Variants in POLD1 observed in about 807,000 individuals in gnomAD.
POLD1 encodes DNA polymerase delta catalytic subunit.
POLD1 carries 79 observed loss-of-function variants against 129.7 expected under a neutral mutation model. That is an observed-to-expected ratio of 0.61 (90% confidence interval 0.51 to 0.73). POLD1 has a LOEUF of 0.73. Among genes scored for constraint, POLD1 ranks in the 30% least tolerant of loss-of-function variants. The pLI is 0.00. For missense variants in POLD1, 1,338 were observed against 1,595.8 expected (o/e 0.84, Z 2.75); for synonymous variants, 714 against 683.3 (o/e 1.04, Z -0.70).
chr19:50,417,456 AG>A (rs1018132600), intron 26 of POLD1, among the ~76,000 whole-genome samples, 187 bp downstream of exon 26: 2 of 152,060 alleles, frequency 1.3e-5, no homozygotes, highest in Non-Finnish European at 2.9e-5. Context: ...AGCCCCCCAG[AG>A]GGGGTGGGTG....
chr19:50,399,190 C>T (rs1483459987), intron 2 of POLD1, 137 bp downstream of exon 2: 3 of 1,342,192 alleles, frequency 2.2e-6, no homozygotes, highest in East Asian at 2.5e-5. Flanking sequence ...TGCCCTTCCA[C>T]CCCGTGCAGC....
chr19:50,416,569 AGAG>A (rs748457504), intron 23 of POLD1, 38 bp from the exon 24 acceptor site: 26 of 1,547,178 alleles, frequency 1.7e-5, no homozygotes, highest in South Asian at 2.4e-5. Flanking sequence ...CTGGGGGGGC[AGAG>A]GAGATCACCG....
chr19:50,392,596 G>A (rs1041899725), intron 1 of POLD1, among the ~76,000 whole-genome samples: 2 of 152,084 alleles, frequency 1.3e-5, no homozygotes, highest in Non-Finnish European at 2.9e-5. Flanking sequence ...TCCTGCCTCA[G>A]CCTCCCAAGT....
rs202164858 is a variant in POLD1, at chr19:50,402,189, C to A, written c.590-16C>A. 1 of 1,584,268 alleles carries A rather than the reference C, an allele frequency of 6.3e-7. No homozygotes were observed. The highest frequency in any genetic ancestry group is 1.2e-5 in the South Asian group (1 of 85,374). On this transcript the variant is annotated splice_polypyrimidine_tract_variant and intron_variant, in intron 5 of 26. Transcript: ENST00000440232. Reference sequence around the variant, plus strand: ...TCGGGAGGCCATTGGCTGGTCCCAGCTTCTTCCATCCACAGGCATGTTTGG... The same window carrying A: ...TCGGGAGGCCATTGGCTGGTCCCAGATTCTTCCATCCACAGGCATGTTTGG...
At chr19:50,417,316 C>T (rs1368729681) in intron 26 of POLD1, 47 bp downstream of exon 26, 3 of 1,378,756 alleles carry the variant, frequency 2.2e-6, no homozygotes, top group Non-Finnish European at 3.0e-6. Context: ...CTTCCCAGCT[C>T]CCAGGCCTGT....
At chr19:50,395,420 A>G (rs1171083796) in intron 1 of POLD1, among the ~76,000 whole-genome samples, 2 of 151,924 alleles carry the variant, frequency 1.3e-5, no homozygotes, top group South Asian at 2.1e-4. Flanking sequence ...CGTCTCTACT[A>G]AAAATACAAA....
At chr19:50,400,640 C>T (rs2038563800) in intron 3 of POLD1, among the ~76,000 whole-genome samples, 1 of 149,066 alleles carries the variant, frequency 6.7e-6, no homozygotes, top group Non-Finnish European at 1.5e-5. Flanking sequence ...TCAAGTGATC[C>T]TCCCACCTCA....
At position 50,417,028 on chromosome 19, in the gene POLD1, G is replaced by C. The variant is rs2039325038; in HGVS notation, c.3068-17G>C. 6.5e-7 allele frequency: 1 copy of C among 1,547,600 alleles called. No homozygotes were observed. Among genetic ancestry groups the C allele is most frequent in the Non-Finnish European group, 8.7e-7 (1 of 1,145,836 alleles). On this transcript the variant is annotated splice_polypyrimidine_tract_variant and intron_variant, in intron 24 of 26. Coordinates refer to ENST00000440232, the MANE Select transcript of POLD1 (RefSeq NM_002691.4). ...CTGGCTGGGCCCCAGCACTTGGGCT[G>C]ACCCGCCTCCCCACAGGAGCCGTGT...
chr19:50,402,839 G>T, intron 8 of POLD1, 98 bp downstream of exon 8: 1 of 1,483,364 alleles, frequency 6.7e-7, no homozygotes, highest in Non-Finnish European at 9.1e-7. Flanking sequence ...GCATGAAGGT[G>T]CCGGGGCAGG....
chr19:50,407,581 CAG>C (rs1308453411), intron 14 of POLD1, among the ~76,000 whole-genome samples, 166 bp downstream of exon 14: 3 of 151,528 alleles, frequency 2.0e-5, no homozygotes, highest in Admixed American at 2.0e-4. Context: ...TTTTTTGAGA[CAG>C]AGTCTCGCTC....
At chr19:50,396,467 C>A (rs3219354) in intron 1 of POLD1, among the ~76,000 whole-genome samples, 20,288 of 146,576 alleles carry the variant, frequency 0.14, 1,740 homozygotes, top group African/African-American at 0.26. Context: ...AATACACCCC[C>A]AAAATAATAA....
At chr19:50,386,460 C>G (rs535362314) in intron 1 of POLD1, among the ~76,000 whole-genome samples, 5 of 152,156 alleles carry the variant, frequency 3.3e-5, no homozygotes, top group South Asian at 2.1e-4. Context: ...TTGAAGTAAC[C>G]GGACACTGTG....
chr19:50,409,408 T>C lies in POLD1; in HGVS notation c.2007-111T>C. On this transcript the variant is annotated intron_variant, in intron 16 of 26. Coordinates refer to ENST00000440232, the MANE Select transcript of POLD1 (RefSeq NM_002691.4). The surrounding 1 kb of genome is among the most constrained non-coding windows in gnomAD (Gnocchi z 5.8). ...TCCTTTTGCCCCCTTGGCCAGAAGC[T>C]TCTGTGCAGTGCACAGTACGCCCAA... 1.4e-6 allele frequency: 2 copies of C among 1,476,220 alleles called. No individual in the cohort carries two copies. The highest frequency in any genetic ancestry group is 3.6e-5 in the Admixed American group (2 of 54,886). 91.4% of individuals were successfully genotyped at this position (1,476,220 alleles called of 1,614,324 possible).
chr19:50,403,629 A>G, intron 10 of POLD1, 32 bp downstream of exon 10: 3 of 1,418,884 alleles, frequency 2.1e-6, no homozygotes, highest in Non-Finnish European at 3.0e-6. Context: ...GGCTTCTCTC[A>G]GATGCCCCAG....
At chr19:50,385,459 T>A (rs2123693874) in intron 1 of POLD1, among the ~76,000 whole-genome samples, 1 of 150,272 alleles carries the variant, frequency 6.7e-6, no homozygotes, top group South Asian at 2.1e-4. Flanking sequence ...GAGCCAGGAG[T>A]GGGCAGGGCG....
chr19:50,400,451 C>A (rs1402232031), intron 3 of POLD1, among the ~76,000 whole-genome samples: 1 of 150,394 alleles, frequency 6.6e-6, no homozygotes, highest in African/African-American at 2.4e-5. Flanking sequence ...AAACTCCTAA[C>A]CTCAGGTGAT....
intron 22 of POLD1, 141 bp from the exon 23 acceptor site, chr19:50,416,255 A>G (rs3218754): frequency 2.5e-6 from 2 of 806,634 alleles, no homozygotes; most frequent in Admixed American, 2.5e-5. Flanking sequence ...GTGACCTCCG[A>G]CCCCATCCCA....
intron 1 of POLD1, among the ~76,000 whole-genome samples, chr19:50,391,888 T>C (rs947737173): frequency 1.3e-5 from 2 of 151,550 alleles, no homozygotes. Flanking sequence ...AATTTTTGTA[T>C]TTTTTTTAGT....
chr19:50,401,392 T>TATATA (rs1491527037), intron 3 of POLD1, among the ~76,000 whole-genome samples: 244 of 46,972 alleles, frequency 5.2e-3, no homozygotes, highest in African/African-American at 0.011. Context: ...TATATATATA[T>TATATA]TTTTTTTTTT....
Sources: gnomAD v4.1 joint callset for allele counts (sites outside exome capture counted in the v4.1 genomes callset) on GRCh38, gnomAD v4.1.1 for gene constraint, Gnocchi (gnomAD v3.1) non-coding constraint, MANE v1.5 for transcripts, NCBI Gene and HGNC (gene_info 2026-07-23, HGNC 2026-07-21) for gene names.